The following ETFB variants were observed in gnomAD, a reference collection of about 807,000 sequenced individuals.
The protein encoded by ETFB is beta-ETF.
In ETFB, 20 loss-of-function variants were observed where a neutral mutation model predicts 25.6. The ratio of observed to expected loss-of-function variants is 0.78; its 90% confidence interval spans 0.55 to 1.14. The LOEUF (loss-of-function observed/expected upper bound fraction) is 1.14. ETFB is among the 50% of genes most tolerant of loss of function. The pLI, the probability that ETFB is intolerant of heterozygous loss-of-function variation, is 0.00. For missense variants in ETFB, 286 were observed against 342.6 expected, an observed-to-expected ratio of 0.83 and a Z score of 1.30; for synonymous variants, 142 against 146.7, an observed-to-expected ratio of 0.97 and a Z score of 0.23.
intron 1 of ETFB, among the ~76,000 whole-genome samples, chr19:51,362,483 C>T (rs1986256982): frequency 6.6e-6 from 1 of 152,112 alleles, no homozygotes; most frequent in Non-Finnish European, 1.5e-5. Flanking sequence ...GAGGCTGAGG[C>T]AGAGTTGCTT....
chr19:51,366,116 C>T (rs1221308497), intron 1 of ETFB, among the ~76,000 whole-genome samples, 154 bp downstream of exon 1: 1 of 152,218 alleles, frequency 6.6e-6, no homozygotes, highest in African/African-American at 2.4e-5. Context: ...TAGAACTTCA[C>T]TCTTGGATTT....
chr19:51,347,179 T>G, intron 4 of ETFB, 121 bp from the exon 5 acceptor site: 1 of 1,002,408 alleles, frequency 1.0e-6, no homozygotes, highest in Non-Finnish European at 1.5e-6. Flanking sequence ...GAGCGAACAA[T>G]GCAGGGTCCC....
intron 1 of ETFB, among the ~76,000 whole-genome samples, chr19:51,359,270 C>G (rs1456375772): frequency 1.3e-5 from 2 of 151,628 alleles, no homozygotes; most frequent in Non-Finnish European, 2.9e-5. Flanking sequence ...GTTTCCCAGG[C>G]TGGTCTGGAA....
intron 1 of ETFB, among the ~76,000 whole-genome samples, chr19:51,358,831 CAAAAAA>C (rs112821668): frequency 7.5e-6 from 1 of 134,190 alleles, no homozygotes; most frequent in African/African-American, 3.0e-5. Context: ...CAAACAACAA[CAAAAAA>C]AAAAAAAAAA....
chr19:51,353,138 GC>G lies in ETFB; in HGVS notation c.368del (p.Gly123AlafsTer15). ...EKEKVDLVLL[G>X]KQAIDDDCNQ... Reference sequence around the variant, plus strand: ...GAGGGCTGACCACAGCTACCTGTTTGCCCAGCAGCACCAGGTCCACCTTCTC... The same window carrying G: ...GAGGGCTGACCACAGCTACCTGTTTGCCAGCAGCACCAGGTCCACCTTCTC... On this transcript the variant is annotated frameshift_variant, in exon 3 of 6. Coordinates refer to ENST00000309244, the MANE Select transcript of ETFB (RefSeq NM_001985.3). LOFTEE classifies it high-confidence loss of function. 3 of 1,613,986 alleles carry G rather than the reference GC, an allele frequency of 1.9e-6. No individual in the cohort carries two copies. Among genetic ancestry groups the G allele is most frequent in the Non-Finnish European group, 1.7e-6 (2 of 1,179,990 alleles).
chr19:51,346,710 C>T (rs1484254700), intron 5 of ETFB, 190 bp downstream of exon 5: 6 of 611,666 alleles, frequency 9.8e-6, no homozygotes, highest in African/African-American at 5.5e-5. Context: ...AAAGCAGCCC[C>T]CATGAACTCT....
At chr19:51,358,254 C>G (rs975463383) in intron 1 of ETFB, among the ~76,000 whole-genome samples, 29 of 152,136 alleles carry the variant, frequency 1.9e-4, no homozygotes, top group African/African-American at 7.0e-4. Context: ...CCCTTTTTCT[C>G]TGGGGCTGTG....
intron 1 of ETFB, among the ~76,000 whole-genome samples, chr19:51,360,602 G>A (rs1329931554): frequency 1.3e-5 from 2 of 152,154 alleles, no homozygotes; most frequent in Admixed American, 6.6e-5. Context: ...GGGCCACTGA[G>A]CATGGAAGTG....
intron 1 of ETFB, among the ~76,000 whole-genome samples, chr19:51,363,486 T>C (rs1334232575): frequency 6.6e-6 from 1 of 152,092 alleles, no homozygotes; most frequent in Non-Finnish European, 1.5e-5. Flanking sequence ...TCTAGCTCTG[T>C]CACCCAGGCT....
intron 1 of ETFB, among the ~76,000 whole-genome samples, chr19:51,365,719 C>G (rs139634431): frequency 6.6e-6 from 1 of 151,916 alleles, no homozygotes; most frequent in East Asian, 1.9e-4. Context: ...GAACTTTCAT[C>G]TCTAGCAAAC....
chr19:51,364,954 C>T (rs142778357), intron 1 of ETFB, among the ~76,000 whole-genome samples: 9,371 of 152,038 alleles, frequency 0.062, 956 homozygotes, highest in African/African-American at 0.21. Context: ...TTTGGGGGGC[C>T]GAGGCAGGCG....
At chr19:51,352,992 G>A (rs1476105569) in intron 3 of ETFB, 140 bp downstream of exon 3, 5 of 1,015,982 alleles carry the variant, frequency 4.9e-6, no homozygotes, top group African/African-American at 3.1e-5. Context: ...TGTCAGAAGG[G>A]TCAGCAAAGT....
chr19:51,350,074 G>A (rs1985893864), intron 4 of ETFB: 2 of 461,536 alleles, frequency 4.3e-6, no homozygotes, highest in Admixed American at 6.7e-5. Flanking sequence ...TATTGGACTG[G>A]CAGAGATGGG....
intron 1 of ETFB, among the ~76,000 whole-genome samples, chr19:51,364,761 C>T (rs1555756502): frequency 6.6e-6 from 1 of 152,218 alleles, no homozygotes; most frequent in Non-Finnish European, 1.5e-5. Context: ...ATCATTAGGA[C>T]AGGGGGCATT....
At chr19:51,353,695 C>T (rs1304508559) in intron 2 of ETFB, among the ~76,000 whole-genome samples, 5 of 134,358 alleles carry the variant, frequency 3.7e-5, no homozygotes, top group East Asian at 2.3e-4. Flanking sequence ...CCCATCCCCT[C>T]CTTCCTCAGA....
chr19:51,358,666 G>A (rs1246492849), intron 1 of ETFB, among the ~76,000 whole-genome samples: 6 of 152,222 alleles, frequency 3.9e-5, no homozygotes, highest in East Asian at 1.9e-4. Flanking sequence ...AAAATTAGCC[G>A]GGCATGGTAG....
At chr19:51,362,011 G>C (rs942481743) in intron 1 of ETFB, among the ~76,000 whole-genome samples, 2 of 151,918 alleles carry the variant, frequency 1.3e-5, no homozygotes, top group Non-Finnish European at 2.9e-5. Flanking sequence ...CTTTCTCCTG[G>C]GGTCTTGAAA....
At chr19:51,346,712 A>G (rs887630719) in intron 5 of ETFB, 188 bp downstream of exon 5, 10 of 612,756 alleles carry the variant, frequency 1.6e-5, no homozygotes, top group Non-Finnish European at 2.6e-5. Context: ...AGCAGCCCCC[A>G]TGAACTCTCA....
In ETFB at chr19:51,354,179, C is replaced by G. The variant is rs142966954; in HGVS notation, c.187G>C (p.Ala63Pro). ...KEKKLVKEVI[A>P]VSCGPAQCQE... ...CACTGTGCAGGCCCACAGCTGACGG[C>G]GATGACCTCCTTCACCAGCTTCTTC... is the stretch of plus-strand genomic sequence containing the variant. The change falls in exon 2 of 6, where the codon GCC becomes CCC. Residue 63 changes from alanine (A) to proline (P), a missense_variant. Physicochemically the swap from Ala to Pro is conservative, Grantham distance 27. Transcript: ENST00000309244. 7 of 1,614,146 alleles carry G rather than the reference C, an allele frequency of 4.3e-6. No individual in the cohort carries two copies. The highest frequency in any genetic ancestry group is 5.1e-6 in the Non-Finnish European group (6 of 1,180,030).
Sources: allele counts gnomAD v4.1 joint callset (sites outside exome capture counted in the v4.1 genomes callset), GRCh38; gene constraint gnomAD v4.1.1; transcripts MANE v1.5; gene names NCBI Gene and HGNC (gene_info 2026-07-23, HGNC 2026-07-21).